The following IGF2BP2 variants were observed in gnomAD, a reference collection of about 807,000 sequenced individuals.
The protein encoded by IGF2BP2 is insulin-like growth factor 2 mRNA-binding protein 2.
In IGF2BP2, 17 loss-of-function variants were observed where a neutral mutation model predicts 75.8. The observed-to-expected ratio is 0.22, with a 90% CI of 0.15 to 0.34. The LOEUF is 0.34. Ranked by LOEUF, IGF2BP2 falls within the 10% of genes least tolerant of loss-of-function variation. The pLI is 1.00. For synonymous variants in IGF2BP2, 288 were observed against 295.6 expected, an observed-to-expected ratio of 0.97 and a Z score of 0.26; for missense variants, 516 against 772.4, an observed-to-expected ratio of 0.67 and a Z score of 3.93.
intron 2 of IGF2BP2, among the ~76,000 whole-genome samples, chr3:185,727,696 T>C (rs1478973610): frequency 1.3e-5 from 2 of 152,232 alleles, no homozygotes; most frequent in Non-Finnish European, 2.9e-5. Context: ...GTTTGAATAT[T>C]ATAAATTAGA....
chr3:185,709,599 C>A (rs913755212), intron 2 of IGF2BP2, among the ~76,000 whole-genome samples: 2 of 152,214 alleles, frequency 1.3e-5, no homozygotes, highest in Non-Finnish European at 2.9e-5. Context: ...AAAGAAGAAA[C>A]TATTCCCACC....
At chr3:185,822,529 G>A (rs991956395) in intron 2 of IGF2BP2, among the ~76,000 whole-genome samples, 4 of 152,030 alleles carry the variant, frequency 2.6e-5, no homozygotes, top group Non-Finnish European at 5.9e-5. Context: ...TTTCACAAGG[G>A]TATTTATTTT....
intron 2 of IGF2BP2, among the ~76,000 whole-genome samples, chr3:185,734,725 C>CT (rs1728631022): frequency 6.6e-6 from 1 of 152,196 alleles, no homozygotes; most frequent in Non-Finnish European, 1.5e-5. Context: ...GTAAGCTCAA[C>CT]TTTCTTTGGA....
intron 2 of IGF2BP2, among the ~76,000 whole-genome samples, chr3:185,762,116 G>A (rs1184283266): frequency 6.6e-6 from 1 of 152,078 alleles, no homozygotes; most frequent in African/African-American, 2.4e-5. Context: ...GGCCAGATGC[G>A]GTGGCTCACG....
chr3:185,689,299 AC>A, intron 6 of IGF2BP2, 55 bp downstream of exon 6: 4 of 1,573,146 alleles, frequency 2.5e-6, no homozygotes, highest in Non-Finnish European at 3.4e-6. Flanking sequence ...GCTGAGACCC[AC>A]CAGCACGCAG....
At position 185,645,916 on chromosome 3, in the gene IGF2BP2, T is replaced by A. The variant is rs116522229; in HGVS notation, c.1708-293A>T. On this transcript the variant is annotated intron_variant, in intron 15 of 15. Transcript: ENST00000382199. This position sits in a 1 kb window ranked among gnomAD's most constrained non-coding sequence, Gnocchi z 4.9. ...GAAGCAGAAGCAGGGCGCCAGCAAC[T>A]GGGGGCCGTGCAGAGTCAGATGCTA... 8.9e-3 allele frequency among the ~76,000 whole-genome samples: 1,362 copies of A among 152,194 alleles called. 15 individuals are homozygous for A. The highest frequency in any genetic ancestry group is 0.031 in the African/African-American group (1,291 of 41,520).
intron 2 of IGF2BP2, 42 bp downstream of exon 2, chr3:185,823,111 T>A: frequency 7.2e-7 from 1 of 1,383,318 alleles, no homozygotes; most frequent in Non-Finnish European, 1.0e-6. Flanking sequence ...TACTTATACG[T>A]AAGGCCAATC....
intron 2 of IGF2BP2, among the ~76,000 whole-genome samples, chr3:185,800,091 T>A (rs1293048261): frequency 6.6e-6 from 1 of 152,164 alleles, no homozygotes; most frequent in East Asian, 1.9e-4. Context: ...TGGAATACTA[T>A]GCAACCATAA....
At chr3:185,685,136 T>G (rs1432002916) in intron 7 of IGF2BP2, among the ~76,000 whole-genome samples, 2 of 152,022 alleles carry the variant, frequency 1.3e-5, no homozygotes, top group Non-Finnish European at 2.9e-5. Flanking sequence ...TCACCTGAGG[T>G]CAGGAGTTCG....
chr3:185,766,231 A>G (rs73061058), intron 2 of IGF2BP2, among the ~76,000 whole-genome samples: 1 of 152,382 alleles, frequency 6.6e-6, no homozygotes, highest in African/African-American at 2.4e-5. Context: ...TATTTAGACA[A>G]TATCATCAAA....
At position 185,646,726 on chromosome 3, in the gene IGF2BP2, G is replaced by A. The variant is rs556596453; in HGVS notation, c.1707+299C>T. On this transcript the variant is annotated intron_variant, in intron 15 of 15. Coordinates refer to ENST00000382199, the MANE Select transcript of IGF2BP2 (RefSeq NM_006548.6). ...GAGGAGAGAGGGTGAGGGAAGCTGAGGCCATGCCCTTAAACACTGCAGGGG... is the reference window on the plus strand; with the variant it reads ...GAGGAGAGAGGGTGAGGGAAGCTGAAGCCATGCCCTTAAACACTGCAGGGG... 2.0e-5 allele frequency among the ~76,000 whole-genome samples: 3 copies of A among 152,332 alleles called. No individual in the cohort carries two copies. In the South Asian group the frequency reaches 6.2e-4, roughly 32 times the overall value.
chr3:185,705,314 C>A (rs1023908815), intron 2 of IGF2BP2, among the ~76,000 whole-genome samples: 63 of 152,206 alleles, frequency 4.1e-4, no homozygotes, highest in African/African-American at 1.5e-3. Context: ...CCAGGGTGGT[C>A]TCGATCTCCT....
chr3:185,751,791 C>G (rs1363186227), intron 2 of IGF2BP2, among the ~76,000 whole-genome samples: 2 of 152,052 alleles, frequency 1.3e-5, no homozygotes, highest in South Asian at 2.1e-4. Context: ...GGTAAAACCT[C>G]GTCTCTACTA....
intron 9 of IGF2BP2, 131 bp downstream of exon 9, chr3:185,675,165 T>C (rs892413158): frequency 1.2e-6 from 1 of 850,654 alleles, no homozygotes; most frequent in Non-Finnish European, 1.8e-6. Flanking sequence ...TTCCTGATTA[T>C]TTTAATGCTT....
chr3:185,780,964 A>C (rs1262309348), intron 2 of IGF2BP2, among the ~76,000 whole-genome samples: 2 of 152,156 alleles, frequency 1.3e-5, no homozygotes, highest in Non-Finnish European at 2.9e-5. Flanking sequence ...GTCATATTTA[A>C]ATATAATACC....
chr3:185,658,198 G>C (rs1715770867), intron 11 of IGF2BP2, 143 bp downstream of exon 11: 1 of 802,172 alleles, frequency 1.2e-6, no homozygotes, highest in Non-Finnish European at 2.1e-6. Context: ...GGCGTGCTCA[G>C]GCTTTGAGGT....
chr3:185,795,331 T>C (rs1339638968), intron 2 of IGF2BP2, among the ~76,000 whole-genome samples: 1 of 152,222 alleles, frequency 6.6e-6, no homozygotes, highest in Non-Finnish European at 1.5e-5. Flanking sequence ...CTGAAAATAT[T>C]CCACTGTATG....
In IGF2BP2 at chr3:185,647,157, C is replaced by T. The variant is rs1713716361; in HGVS notation, c.1594-19G>A. On this transcript the variant is annotated intron_variant, in intron 14 of 15. Transcript: ENST00000382199. This position sits in a 1 kb window ranked among gnomAD's most constrained non-coding sequence, Gnocchi z 4.9. Reference sequence around the variant, plus strand: ...CGTTCACCTGTGAAGGGAGAAACGGCAACGGGTTGGATAGGTTCCCTCCCC... The same window carrying T: ...CGTTCACCTGTGAAGGGAGAAACGGTAACGGGTTGGATAGGTTCCCTCCCC... 1.3e-6 allele frequency: 2 copies of T among 1,583,604 alleles called. No individual in the cohort carries two copies. Among genetic ancestry groups the T allele is most frequent in the South Asian group, 2.2e-5 (2 of 90,506 alleles).
chr3:185,700,021 G>C (rs1455188249), intron 2 of IGF2BP2, among the ~76,000 whole-genome samples: 4 of 152,102 alleles, frequency 2.6e-5, no homozygotes, highest in Non-Finnish European at 4.4e-5. Context: ...TTTAATAGAA[G>C]AGCTTGACAC....
Sources: allele counts gnomAD v4.1 joint callset (sites outside exome capture counted in the v4.1 genomes callset), GRCh38; gene constraint gnomAD v4.1.1; non-coding constraint Gnocchi (gnomAD v3.1); transcripts MANE v1.5; gene names NCBI Gene and HGNC (gene_info 2026-07-23, HGNC 2026-07-21).